SNX29: variants seen among roughly 807,000 people sequenced by gnomAD.
SNX29 encodes sorting nexin 29, also known as sorting nexin-29.
A neutral mutation model predicts 102.1 loss-of-function variants in SNX29; 78 were observed. That is an observed-to-expected ratio of 0.76 (90% CI 0.64 to 0.92). The LOEUF (loss-of-function observed/expected upper bound fraction) is 0.92. Ranked by LOEUF, SNX29 falls within the 40% of genes least tolerant of loss-of-function variation. The probability of loss-of-function intolerance (pLI) is 0.00; values close to 1 mark genes in which losing one functional copy is unlikely to be tolerated. For missense variants in SNX29, 1,280 were observed against 1,061.7 expected, an observed-to-expected ratio of 1.21 and a Z score of -2.86; for synonymous variants, 580 against 414.5, an observed-to-expected ratio of 1.40 and a Z score of -4.85.
At chr16:12,131,399 TTAAC>T (rs1253671573) in intron 13 of SNX29, among the ~76,000 whole-genome samples, 2 of 152,270 alleles carry the variant, frequency 1.3e-5, no homozygotes, top group African/African-American at 4.8e-5. Flanking sequence ...ACATTTTTCT[TTAAC>T]TATACATGTA....
chr16:12,217,945 T>C (rs2077368523), intron 14 of SNX29, among the ~76,000 whole-genome samples: 2 of 152,248 alleles, frequency 1.3e-5, no homozygotes, highest in African/African-American at 2.4e-5. Context: ...TGGTTCCTCA[T>C]TGGGAGACAA....
chr16:12,340,318 T>G (rs1429906219), intron 15 of SNX29, among the ~76,000 whole-genome samples: 1 of 152,212 alleles, frequency 6.6e-6, no homozygotes, highest in Non-Finnish European at 1.5e-5. Context: ...ACCTTTTGTT[T>G]GAAGTCCTAT....
chr16:12,145,316 C>G (rs187194092), intron 13 of SNX29, among the ~76,000 whole-genome samples: 375 of 152,202 alleles, frequency 2.5e-3, no homozygotes, highest in Non-Finnish European at 4.1e-3. Flanking sequence ...TCTTAGTCCA[C>G]TTAAGTATAT....
At chr16:12,488,139 GA>G (rs997263972) in intron 19 of SNX29, among the ~76,000 whole-genome samples, 4 of 151,818 alleles carry the variant, frequency 2.6e-5, no homozygotes, top group African/African-American at 4.8e-5. Flanking sequence ...AATCCAGTAA[GA>G]AAAAAAATTA....
chr16:12,474,254 G>T (rs1446768448), intron 18 of SNX29, among the ~76,000 whole-genome samples: 1 of 152,216 alleles, frequency 6.6e-6, no homozygotes, highest in Non-Finnish European at 1.5e-5. Flanking sequence ...GCTGGGCAGT[G>T]AGGTGCGTAG....
intron 3 of SNX29, among the ~76,000 whole-genome samples, chr16:12,003,800 A>G (rs1210083100): frequency 1.3e-5 from 2 of 152,140 alleles, no homozygotes; most frequent in Non-Finnish European, 2.9e-5. Flanking sequence ...TGAGGTCAGG[A>G]GTTCGAGACC....
intron 16 of SNX29, among the ~76,000 whole-genome samples, chr16:12,371,090 C>G (rs1223032340): frequency 6.6e-6 from 1 of 152,196 alleles, no homozygotes; most frequent in Non-Finnish European, 1.5e-5. Flanking sequence ...AGATGGTGTT[C>G]TCCCAGATAT....
At chr16:12,204,057 C>T (rs146261597) in intron 14 of SNX29, among the ~76,000 whole-genome samples, 154 of 152,308 alleles carry the variant, frequency 1.0e-3, no homozygotes, top group African/African-American at 3.5e-3. Context: ...TTCTTGCTTT[C>T]CTGTTAGGCT....
intron 19 of SNX29, among the ~76,000 whole-genome samples, chr16:12,514,115 C>T (rs1238454511): frequency 1.3e-5 from 2 of 152,200 alleles, no homozygotes; most frequent in East Asian, 3.8e-4. Context: ...CCACACCTCC[C>T]AGCTGGCTAA....
intron 18 of SNX29, among the ~76,000 whole-genome samples, chr16:12,410,403 C>T (rs1328846735): frequency 6.6e-6 from 1 of 152,076 alleles, no homozygotes; most frequent in Non-Finnish European, 1.5e-5. Context: ...TGAACTCTTC[C>T]CATCTCCCAT....
At chr16:12,134,036 A>G (rs540529877) in intron 13 of SNX29, among the ~76,000 whole-genome samples, 1 of 152,356 alleles carries the variant, frequency 6.6e-6, no homozygotes, top group East Asian at 1.9e-4. Flanking sequence ...TTCCTGAGGC[A>G]GAGGCATAAT....
intron 14 of SNX29, among the ~76,000 whole-genome samples, chr16:12,265,355 G>A (rs1453886444): frequency 1.3e-5 from 2 of 152,146 alleles, no homozygotes; most frequent in African/African-American, 2.4e-5. Context: ...CTGGGGAAGG[G>A]TGTGATAACA....
At chr16:12,559,765 T>C (rs2078609072) in intron 20 of SNX29, among the ~76,000 whole-genome samples, 1 of 152,050 alleles carries the variant, frequency 6.6e-6, no homozygotes, top group South Asian at 2.1e-4. Flanking sequence ...CAGCAGTCAC[T>C]CTGAAAGCAT....
At chr16:11,985,906 C>T (rs550000163) in intron 1 of SNX29, among the ~76,000 whole-genome samples, 88 of 150,182 alleles carry the variant, frequency 5.9e-4, no homozygotes, top group Middle Eastern at 3.4e-3. Context: ...GATCTTGGCT[C>T]ACTGCAACCT....
intron 18 of SNX29, among the ~76,000 whole-genome samples, chr16:12,434,009 G>A (rs1338126933): frequency 2.0e-5 from 3 of 152,100 alleles, no homozygotes; most frequent in Non-Finnish European, 4.4e-5. Context: ...CCTCACATGG[G>A]GCATCCTTCT....
chr16:12,490,616 A>G (rs906209123), intron 19 of SNX29, among the ~76,000 whole-genome samples: 3 of 152,346 alleles, frequency 2.0e-5, no homozygotes, highest in Admixed American at 6.5e-5. Context: ...ACTGTAGTGC[A>G]TACTGCCACA....
At chr16:12,346,713 C>T (rs1165142562) in intron 15 of SNX29, among the ~76,000 whole-genome samples, 2 of 152,188 alleles carry the variant, frequency 1.3e-5, no homozygotes, top group African/African-American at 4.8e-5. Flanking sequence ...TTTCTTTCCC[C>T]TGTCATTGCT....
rs917168928 is a variant in SNX29, at chr16:12,571,047, C to G, written c.*2418C>G. The G allele has an allele frequency of 7.7e-5, 18 of 232,544 alleles. No individual in the cohort carries two copies. Among genetic ancestry groups the G allele is most frequent in the Middle Eastern group, 1.2e-3 (1 of 804 alleles). The allele number at this position is 232,544 out of a possible 1,614,324, so 14.4% of individuals were successfully genotyped here. ...GATCCAGACCATCTCCTCTCATTCTCACTCTAAAAATGCTGGTGGCCCGCA... is the reference window on the plus strand; with the variant it reads ...GATCCAGACCATCTCCTCTCATTCTGACTCTAAAAATGCTGGTGGCCCGCA... On this transcript the variant is annotated 3_prime_UTR_variant, in exon 21 of 21. Transcript: ENST00000566228.
At chr16:12,116,006 C>T (rs2053683806) in intron 11 of SNX29, among the ~76,000 whole-genome samples, 1 of 152,206 alleles carries the variant, frequency 6.6e-6, no homozygotes, top group African/African-American at 2.4e-5. Flanking sequence ...TATTTGGATT[C>T]ATTGTGGTGA....
Sources: allele counts gnomAD v4.1 joint callset (sites outside exome capture counted in the v4.1 genomes callset), GRCh38; gene constraint gnomAD v4.1.1; transcripts MANE v1.5; gene names NCBI Gene and HGNC (gene_info 2026-07-23, HGNC 2026-07-21).